THOC2: variants seen among roughly 807,000 people sequenced by gnomAD.
The protein encoded by THOC2 is THO complex 2.
In THOC2, 10 loss-of-function variants were observed where a neutral mutation model predicts 128.4. The observed-to-expected ratio is 0.08, with a 90% CI of 0.05 to 0.13. The LOEUF (loss-of-function observed/expected upper bound fraction) is 0.13, where lower values mean the gene tolerates loss of function less well. Ranked by LOEUF, THOC2 falls within the 10% of genes least tolerant of loss-of-function variation. The pLI, the probability that THOC2 is intolerant of heterozygous loss-of-function variation, is 1.00. For missense variants in THOC2, 535 were observed against 1,155.7 expected (o/e 0.46, Z 7.79); for synonymous variants, 393 against 396.9 (o/e 0.99, Z 0.12).
At chrX:123,702,340 A>G (rs1299103639) in intron 4 of THOC2, among the ~76,000 whole-genome samples, 4 of 109,300 alleles carry the variant, frequency 3.7e-5, no homozygotes, top group African/African-American at 1.3e-4. Flanking sequence ...TCAAAGTTAC[A>G]GAAAGCACAA....
At chrX:123,647,947 G>T (rs2048200519) in intron 12 of THOC2, among the ~76,000 whole-genome samples, 2 of 110,721 alleles carry the variant, frequency 1.8e-5, no homozygotes, top group African/African-American at 6.6e-5. Flanking sequence ...GTTGAGACCT[G>T]GCAAATTGTT....
chrX:123,628,555 C>T (rs979001315), intron 22 of THOC2, among the ~76,000 whole-genome samples: 2 of 109,841 alleles, frequency 1.8e-5, no homozygotes, highest in Non-Finnish European at 3.8e-5. Context: ...CCCATCTCTA[C>T]AAAAAATTAG....
intron 30 of THOC2, 74 bp from the exon 31 acceptor site, chrX:123,621,661 CAT>C: frequency 3.7e-6 from 3 of 813,907 alleles, no homozygotes; most frequent in Non-Finnish European, 5.0e-6. Flanking sequence ...TAAAATATAT[CAT>C]AAAGGGTTTC....
chrX:123,702,136 A>C (rs1190831049), intron 4 of THOC2, among the ~76,000 whole-genome samples: 1 of 111,737 alleles, frequency 8.9e-6, no homozygotes. Context: ...AGGATGTCTT[A>C]TTTTAAAGTG....
intron 25 of THOC2, 140 bp from the exon 26 acceptor site, chrX:123,624,809 G>T: frequency 2.1e-6 from 1 of 485,879 alleles, no homozygotes; most frequent in Non-Finnish European, 3.0e-6. Flanking sequence ...TAATGACACT[G>T]CAGAGAACTT....
At chrX:123,666,970 T>C (rs1283749984) in intron 11 of THOC2, 136 bp downstream of exon 11, 2 of 442,061 alleles carry the variant, frequency 4.5e-6, no homozygotes, top group Non-Finnish European at 7.5e-6. Context: ...ACTGATACAC[T>C]CTGTGAATAG....
intron 7 of THOC2, 98 bp downstream of exon 7, chrX:123,695,923 A>G: frequency 1.7e-6 from 1 of 572,849 alleles, no homozygotes. Flanking sequence ...GAAAAAAAAA[A>G]TAGATGGAAT....
intron 22 of THOC2, among the ~76,000 whole-genome samples, chrX:123,629,685 C>T (rs867803588): frequency 4.5e-5 from 5 of 111,077 alleles, no homozygotes; most frequent in Admixed American, 1.9e-4. Context: ...ACATTAGTTA[C>T]GAAAAAGGAG....
rs1245669328 is a variant in THOC2, at chrX:123,667,127, G to A, written c.1169C>T (p.Thr390Ile). 3.3e-6 allele frequency: 4 copies of A among 1,194,749 alleles called. No homozygotes were observed. The highest frequency in any genetic ancestry group is 3.4e-6 in the Non-Finnish European group (3 of 887,773). Residue 390 changes from threonine to isoleucine, a missense_variant, in exon 11 of 39, where the codon ACT becomes ATT. Thr to Ile is a moderately conservative substitution (Grantham distance 89). Coordinates refer to ENST00000245838, the MANE Select transcript of THOC2 (RefSeq NM_001081550.2). ...ALAICKLIHI[T>I]IEPLYRRVGV... ...ATACCTTCGGTAGAGAGGCTCAATAGTTATATGAATGAGCTTGCAAATAGC... is the reference window on the plus strand; with the variant it reads ...ATACCTTCGGTAGAGAGGCTCAATAATTATATGAATGAGCTTGCAAATAGC...
In THOC2 at chrX:123,627,894, T is replaced by G. The variant is rs1317260225; in HGVS notation, c.2556A>C (p.Ser852=). The G allele has an allele frequency of 2.5e-6, 3 of 1,208,695 alleles. No individual in the cohort carries two copies. In the African/African-American group the frequency reaches 5.2e-5, roughly 21 times the overall value. Residue 852 remains serine, a synonymous_variant, in exon 23 of 39, where the codon TCA becomes TCC. Transcript: ENST00000245838. ...GGACAGGCGCCATCACCATCTCACA[T>G]GATGTAATGTACTTATGAACTTTAT... is the stretch of plus-strand genomic sequence containing the variant. The part of the protein sequence containing the change: ...QQHKVHKYIT[S]CEMVMAPVHE...
intron 8 of THOC2, among the ~76,000 whole-genome samples, chrX:123,675,587 G>A (rs1202516392): frequency 2.8e-5 from 3 of 109,081 alleles, no homozygotes; most frequent in African/African-American, 1.0e-4. Context: ...AGGTTGCAGT[G>A]AGCCGAGATT....
chrX:123,730,262 T>A (rs1050372438), intron 1 of THOC2, among the ~76,000 whole-genome samples: 10 of 110,651 alleles, frequency 9.0e-5, no homozygotes, highest in Non-Finnish European at 1.7e-4. Flanking sequence ...CACCGCAACT[T>A]CCGCCTCCCA....
intron 7 of THOC2, among the ~76,000 whole-genome samples, chrX:123,689,969 C>T (rs1270663030): frequency 9.0e-6 from 1 of 110,834 alleles, no homozygotes; most frequent in Non-Finnish European, 1.9e-5. Flanking sequence ...TACATTAATA[C>T]ACACAGCAAT....
intron 12 of THOC2, among the ~76,000 whole-genome samples, chrX:123,655,727 C>T (rs2048542314): frequency 9.0e-6 from 1 of 110,693 alleles, no homozygotes; most frequent in African/African-American, 3.3e-5. Context: ...ATTCTGCCTG[C>T]CTAATTTCAG....
chrX:123,717,611 T>C (rs1476818528), intron 1 of THOC2, among the ~76,000 whole-genome samples: 1 of 102,712 alleles, frequency 9.7e-6, no homozygotes, highest in Non-Finnish European at 1.9e-5. Flanking sequence ...CCCGAAGAGA[T>C]ATAAAGACTC....
intron 8 of THOC2, among the ~76,000 whole-genome samples, chrX:123,672,826 T>G (rs1215679550): frequency 8.9e-6 from 1 of 112,382 alleles, no homozygotes; most frequent in Non-Finnish European, 1.9e-5. Flanking sequence ...TGGCCAAATG[T>G]AAATAAAAAG....
At chrX:123,717,150 C>T (rs1466441056) in intron 1 of THOC2, among the ~76,000 whole-genome samples, 1 of 111,695 alleles carries the variant, frequency 9.0e-6, no homozygotes, top group Non-Finnish European at 1.9e-5. Context: ...GTGAAATTGT[C>T]TCTGCTGACA....
intron 9 of THOC2, among the ~76,000 whole-genome samples, chrX:123,670,192 C>T (rs1240916639): frequency 2.7e-5 from 3 of 112,427 alleles, no homozygotes; most frequent in African/African-American, 9.7e-5. Context: ...ATCCAGATTC[C>T]TTACTATGTC....
At position 123,733,028 on chromosome X, in the gene THOC2, T is replaced by A. The variant is rs377436867; in HGVS notation, c.-6A>T. The stretch of plus-strand genomic sequence containing the variant: ...ACCACAGCCGCGGCCGCCATCTTCC[T>A]CTCACTAGTAGCAGAAGCCCGGATG... On this transcript the variant is annotated 5_prime_UTR_variant, in exon 1 of 39. Transcript: ENST00000245838. 1.9e-5 allele frequency: 23 copies of A among 1,208,309 alleles called. No individual in the cohort carries two copies. The highest frequency in any genetic ancestry group is 2.6e-5 in the Non-Finnish European group (23 of 893,807).
Sources: allele counts gnomAD v4.1 joint callset (sites outside exome capture counted in the v4.1 genomes callset), GRCh38; gene constraint gnomAD v4.1.1; transcripts MANE v1.5; gene names NCBI Gene and HGNC (gene_info 2026-07-23, HGNC 2026-07-21).